The following EHMT1 variants were observed in gnomAD, a reference collection of about 807,000 sequenced individuals.
EHMT1 encodes the protein euchromatic histone lysine methyltransferase 1.
In EHMT1, 15 loss-of-function variants were observed where a neutral mutation model predicts 147.2. The ratio of observed to expected loss-of-function variants is 0.10; its 90% CI spans 0.07 to 0.16. EHMT1 has a LOEUF of 0.16. Among genes scored for constraint, EHMT1 ranks in the 10% least tolerant of loss-of-function variants. EHMT1 has a pLI of 1.00. For synonymous variants in EHMT1, 795 were observed against 709.6 expected, an observed-to-expected ratio of 1.12 and a Z score of -1.91; for missense variants, 1,587 against 1,772.4, an observed-to-expected ratio of 0.90 and a Z score of 1.88.
At chr9:137,780,652 T>TGTGGTGATGA in intron 14 of EHMT1, among the ~76,000 whole-genome samples, 1 of 42,568 alleles carries the variant, frequency 2.3e-5, no homozygotes, top group Non-Finnish European at 4.1e-5. Context: ...TGACGGCATC[T>TGTGGTGATGA]CACTGAGATG....
intron 18 of EHMT1, among the ~76,000 whole-genome samples, chr9:137,806,594 CCCGG>C (rs1953967487): frequency 6.6e-6 from 1 of 152,030 alleles, no homozygotes; most frequent in Non-Finnish European, 1.5e-5. Flanking sequence ...GGCCACCACG[CCCGG>C]GAAATTTTTG....
intron 10 of EHMT1, among the ~76,000 whole-genome samples, chr9:137,772,386 G>A (rs139202119): frequency 2.0e-5 from 3 of 152,106 alleles, no homozygotes; most frequent in Admixed American, 1.3e-4. Context: ...ATAGGAAACC[G>A]TTTTGTAGCG....
Position 137,779,680 on chromosome 9 carries a change from C to T in EHMT1, c.2238C>T (p.Ala746=). 1 of 1,613,864 alleles carries T rather than the reference C, an allele frequency of 6.2e-7. No individual in the cohort carries two copies. The highest frequency in any genetic ancestry group is 8.5e-7 in the Non-Finnish European group (1 of 1,180,042). Residue 746 remains alanine (A), a synonymous_variant, in exon 14 of 27, where the codon GCC becomes GCT. Transcript: ENST00000460843. ...ACCCAAAGCAGCTGTACTTCTCCGC[C>T]AGGCAAGGGGAGCTTCAGAAGGTGC... ...RFHPKQLYFS[A]RQGELQKVLL...
At chr9:137,723,927 C>T (rs898124084) in intron 3 of EHMT1, among the ~76,000 whole-genome samples, 1 of 152,206 alleles carries the variant, frequency 6.6e-6, no homozygotes, top group Non-Finnish European at 1.5e-5. Flanking sequence ...CAGCTCAGAG[C>T]GAGGCCTGCT....
At chr9:137,710,436 G>A (rs1944599677) in intron 1 of EHMT1, among the ~76,000 whole-genome samples, 1 of 152,220 alleles carries the variant, frequency 6.6e-6, no homozygotes, top group African/African-American at 2.4e-5. Flanking sequence ...TCGCGCCACT[G>A]TACTCCAGCC....
chr9:137,811,536 T>C lies in EHMT1; in HGVS notation c.2788T>C (p.Cys930Arg). The C allele has an allele frequency of 6.2e-7, 1 of 1,610,618 alleles. No homozygotes were observed. The highest frequency in any genetic ancestry group is 2.2e-5 in the East Asian group (1 of 44,882). ...AGCCGAGATCCTGCTGGCTGCCAAG[T>C]GCGACCTCCACGCCGTGAACATCCA... ...DIAEILLAAK[C>R]DLHAVNIHGD... is the part of the protein sequence containing the mutation. The change falls in exon 19 of 27, where the codon TGC (cysteine) becomes CGC (arginine). Residue 930 changes from cysteine (C) to arginine (R), a missense_variant. Physicochemically the swap from Cys to Arg is radical, Grantham distance 180. This residue lies in a region of EHMT1 where 201 missense variants were observed against 350.1 expected (regional missense o/e 0.57). Coordinates refer to ENST00000460843, the MANE Select transcript of EHMT1 (RefSeq NM_024757.5).
intron 1 of EHMT1, among the ~76,000 whole-genome samples, chr9:137,660,579 A>G (rs1355820226): frequency 3.9e-5 from 6 of 152,318 alleles, no homozygotes; most frequent in African/African-American, 1.4e-4. Flanking sequence ...TAGAATCATA[A>G]AATTTCATGA....
intron 14 of EHMT1, 125 bp downstream of exon 14, chr9:137,779,842 G>A (rs1040515497): frequency 1.8e-5 from 19 of 1,039,214 alleles, no homozygotes; most frequent in African/African-American, 3.2e-5. Flanking sequence ...CTGTGTCTCC[G>A]AGTTCTCTGA....
chr9:137,684,713 G>A (rs149076135), intron 1 of EHMT1, among the ~76,000 whole-genome samples: 1 of 151,872 alleles, frequency 6.6e-6, no homozygotes, highest in Non-Finnish European at 1.5e-5. Context: ...GGCTGCTCTC[G>A]AACTCCTGAG....
At chr9:137,832,940 C>G (rs1276326490) in intron 25 of EHMT1, 3 of 152,292 alleles carry the variant, frequency 2.0e-5, no homozygotes, top group African/African-American at 4.8e-5. Flanking sequence ...AAAGTCCACG[C>G]CAGGTGAGCC....
intron 1 of EHMT1, among the ~76,000 whole-genome samples, chr9:137,628,667 G>A (rs1843421881): frequency 6.6e-6 from 1 of 152,164 alleles, no homozygotes; most frequent in Non-Finnish European, 1.5e-5. Context: ...GCCTGTCTTC[G>A]GATCTTACTA....
At chr9:137,682,965 G>A (rs1942100936) in intron 1 of EHMT1, among the ~76,000 whole-genome samples, 1 of 152,236 alleles carries the variant, frequency 6.6e-6, no homozygotes, top group Admixed American at 6.5e-5. Context: ...CTGAGAGTCA[G>A]GCGGAAGGGC....
intron 18 of EHMT1, among the ~76,000 whole-genome samples, chr9:137,805,051 ATG>A (rs1169123403): frequency 6.6e-6 from 1 of 150,442 alleles, no homozygotes; most frequent in African/African-American, 2.5e-5. Context: ...AGTCGTCCAC[ATG>A]TGTCAGTCCA....
At chr9:137,824,371 T>A (rs369554398) in intron 25 of EHMT1, among the ~76,000 whole-genome samples, 31 of 152,354 alleles carry the variant, frequency 2.0e-4, no homozygotes, top group African/African-American at 7.0e-4. Context: ...CTTTGATCTA[T>A]TTGCTGATCC....
intron 1 of EHMT1, among the ~76,000 whole-genome samples, chr9:137,654,253 G>T (rs190737663): frequency 5.9e-5 from 9 of 152,122 alleles, no homozygotes; most frequent in Admixed American, 2.6e-4. Context: ...AGTCCCAGCT[G>T]TTCAAGAGGC....
At chr9:137,749,488 C>A (rs1948807740) in intron 6 of EHMT1, among the ~76,000 whole-genome samples, 1 of 152,086 alleles carries the variant, frequency 6.6e-6, no homozygotes, top group East Asian at 1.9e-4. Flanking sequence ...TCTCAGTCGA[C>A]AGCCTCTCAC....
Position 137,813,540 on chromosome 9 carries a change from G to A in EHMT1, c.3180+10G>A, listed in dbSNP as rs113676865. On this transcript the variant is annotated intron_variant, in intron 21 of 26. Transcript: ENST00000460843. The surrounding 1 kb of genome is among the most constrained non-coding windows in gnomAD (Gnocchi z 4.9). ...TATCACTCATCTGCAGGTGAGTGAC[G>A]GCAGATGAAGGGCTGACTCAGGCCA... 7.5e-4 allele frequency: 1,209 copies of A among 1,613,452 alleles called. 8 individuals are homozygous for A. The African/African-American group carries it at 0.013, about 17-fold the overall frequency.
At chr9:137,623,326 C>G (rs1290839681) in intron 1 of EHMT1, among the ~76,000 whole-genome samples, 2 of 152,150 alleles carry the variant, frequency 1.3e-5, no homozygotes, top group Admixed American at 1.3e-4. Context: ...TGTTTATTCC[C>G]TCCTGGTGAT....
chr9:137,619,280 CGGGCGGCGGCTGGGGGAGCGGGCGG>C (rs1842800951), intron 1 of EHMT1, among the ~76,000 whole-genome samples: 1 of 142,378 alleles, frequency 7.0e-6, no homozygotes, highest in Non-Finnish European at 1.5e-5. Context: ...CGGCGCGGGC[CGGGCGGCGGCTGGGGGAGCGGGCGG>C]GGGCGCAGGT....
Sources: gnomAD v4.1 joint callset for allele counts (sites outside exome capture counted in the v4.1 genomes callset) on GRCh38, gnomAD v4.1.1 for gene constraint, gnomAD v4.1.1 regional missense constraint, Gnocchi (gnomAD v3.1) non-coding constraint, MANE v1.5 for transcripts, NCBI Gene and HGNC (gene_info 2026-07-23, HGNC 2026-07-21) for gene names.